SLC44A5: variants seen among roughly 807,000 people sequenced by gnomAD.
SLC44A5 encodes the protein choline transporter-like protein 5.
SLC44A5 carries 57 observed loss-of-function variants against 101.8 expected under a neutral mutation model. That is an observed-to-expected ratio of 0.56 (90% confidence interval 0.45 to 0.70). The LOEUF is 0.70. Among genes scored for constraint, SLC44A5 ranks in the 30% least tolerant of loss-of-function variants. The pLI, the probability that SLC44A5 is intolerant of heterozygous loss-of-function variation, is 0.00. For synonymous variants in SLC44A5, 281 were observed against 290.9 expected, an observed-to-expected ratio of 0.97 and a Z score of 0.35; for missense variants, 737 against 853.1, an observed-to-expected ratio of 0.86 and a Z score of 1.70.
intron 2 of SLC44A5, among the ~76,000 whole-genome samples, chr1:75,484,367 A>G (rs60335495): frequency 0.17 from 25,219 of 152,232 alleles, 2,496 homozygotes; most frequent in African/African-American, 0.27. Context: ...CCCCATGCCA[A>G]TCTGAAACCC....
the SLC44A5 span, among the ~76,000 whole-genome samples, chr1:75,658,235 G>C: frequency 1.3e-5 from 2 of 150,978 alleles, no homozygotes; most frequent in African/African-American, 4.9e-5. Context: ...CACTATACCT[G>C]GCTAATTTTT....
the SLC44A5 span, among the ~76,000 whole-genome samples, chr1:75,634,446 T>C: frequency 6.6e-6 from 1 of 151,700 alleles, no homozygotes; most frequent in African/African-American, 2.4e-5. Flanking sequence ...AACAGCATGG[T>C]ACTGGTACCA....
the SLC44A5 span, among the ~76,000 whole-genome samples, chr1:75,668,969 G>A: frequency 0.52 from 77,890 of 151,084 alleles, 21,666 homozygotes; most frequent in Middle Eastern, 0.66. Flanking sequence ...TCACGCCACC[G>A]AACTACAGTC....
At chr1:75,287,833 C>T (rs1653196109) in intron 5 of SLC44A5, among the ~76,000 whole-genome samples, 1 of 152,140 alleles carries the variant, frequency 6.6e-6, no homozygotes, top group Admixed American at 6.6e-5. Flanking sequence ...AATACCAGCA[C>T]CTACTCTGGC....
chr1:75,228,179 C>T (rs75724760), intron 12 of SLC44A5, among the ~76,000 whole-genome samples: 3,377 of 152,178 alleles, frequency 0.022, 108 homozygotes, highest in African/African-American at 0.071. Context: ...GTCAAAAACT[C>T]CTCCTAAGGT....
intron 3 of SLC44A5, among the ~76,000 whole-genome samples, chr1:75,359,318 T>G (rs1270167743): frequency 6.9e-6 from 1 of 145,550 alleles, no homozygotes; most frequent in African/African-American, 2.5e-5. Flanking sequence ...CACTGCAGCC[T>G]CCACCTCCTG....
At chr1:75,547,378 G>A (rs1557895468) in intron 1 of SLC44A5, among the ~76,000 whole-genome samples, 1 of 152,138 alleles carries the variant, frequency 6.6e-6, no homozygotes, top group Non-Finnish European at 1.5e-5. Flanking sequence ...ACAGAAAAGA[G>A]CAGAACTCTC....
chr1:75,389,978 A>G (rs900398026), intron 3 of SLC44A5, among the ~76,000 whole-genome samples: 2 of 152,152 alleles, frequency 1.3e-5, no homozygotes, highest in Admixed American at 6.5e-5. Flanking sequence ...GCCAACGACA[A>G]TGGTGACATT....
intron 2 of SLC44A5, among the ~76,000 whole-genome samples, chr1:75,530,630 G>A (rs565168410): frequency 6.6e-6 from 1 of 152,220 alleles, no homozygotes; most frequent in African/African-American, 2.4e-5. Flanking sequence ...GTCAAATTTT[G>A]ATATTTCTTC....
intron 22 of SLC44A5, among the ~76,000 whole-genome samples, chr1:75,211,892 T>C (rs184677113): frequency 0.018 from 2,708 of 150,356 alleles, 33 homozygotes; most frequent in Non-Finnish European, 0.029. Flanking sequence ...CTTCCTTCCT[T>C]TCTCTCTCTC....
intron 2 of SLC44A5, among the ~76,000 whole-genome samples, chr1:75,439,153 T>C (rs569561541): frequency 7.9e-5 from 12 of 151,994 alleles, no homozygotes; most frequent in Non-Finnish European, 1.6e-4. Context: ...ATTGTGGGAG[T>C]GGATTCCATA....
At chr1:75,525,707 CAT>C (rs990262481) in intron 2 of SLC44A5, among the ~76,000 whole-genome samples, 4 of 152,072 alleles carry the variant, frequency 2.6e-5, no homozygotes, top group Non-Finnish European at 2.9e-5. Context: ...GTTATATTAT[CAT>C]GTGTGTGGGT....
intron 1 of SLC44A5, among the ~76,000 whole-genome samples, chr1:75,576,677 T>C (rs1400628062): frequency 6.6e-6 from 1 of 152,130 alleles, no homozygotes; most frequent in Non-Finnish European, 1.5e-5. Context: ...CTAGATCTGA[T>C]GGGTGGTAGA....
intron 4 of SLC44A5, among the ~76,000 whole-genome samples, chr1:75,319,503 ATATATT>A (rs1249426766): frequency 6.6e-6 from 1 of 152,204 alleles, no homozygotes; most frequent in African/African-American, 2.4e-5. Flanking sequence ...TTTATTATAG[ATATATT>A]TATATCATTA....
In SLC44A5 at chr1:75,322,087, G is replaced by T. The variant is rs1013723090; in HGVS notation, c.101+17495C>A. ...CCAGCACTTCGGGAGGCTGAGGCAGGATTACTTGAGGTCAGGAGTTTGAGA... is the reference window on the plus strand; with the variant it reads ...CCAGCACTTCGGGAGGCTGAGGCAGTATTACTTGAGGTCAGGAGTTTGAGA... On this transcript the variant is annotated intron_variant, in intron 4 of 23. Coordinates refer to ENST00000370859, the MANE Select transcript of SLC44A5 (RefSeq NM_001130058.2). 1.8e-3 allele frequency among the ~76,000 whole-genome samples: 272 copies of T among 152,192 alleles called. 5 individuals are homozygous for T. The highest frequency in any genetic ancestry group is 2.1e-4 in the Non-Finnish European group (14 of 68,022).
chr1:75,705,451 C>T, the SLC44A5 span, among the ~76,000 whole-genome samples: 1 of 152,134 alleles, frequency 6.6e-6, no homozygotes, highest in African/African-American at 2.4e-5. Flanking sequence ...ATAGTTTATT[C>T]AGGTTTACAC....
intron 5 of SLC44A5, among the ~76,000 whole-genome samples, chr1:75,281,636 G>GGCC (rs1652570371): frequency 4.0e-5 from 2 of 49,484 alleles, no homozygotes; most frequent in African/African-American, 5.5e-5. Context: ...CTGGTGCCAG[G>GGCC]CCCCCCCCCC....
the SLC44A5 span, among the ~76,000 whole-genome samples, chr1:75,645,035 A>G: frequency 1.3e-5 from 2 of 152,094 alleles, no homozygotes; most frequent in African/African-American, 4.8e-5. Flanking sequence ...ATTGTTGGAC[A>G]TTTGGGTTGG....
At chr1:75,637,065 T>A in the SLC44A5 span, among the ~76,000 whole-genome samples, 1 of 152,070 alleles carries the variant, frequency 6.6e-6, no homozygotes, top group Non-Finnish European at 1.5e-5. Flanking sequence ...ATGGCTAGCA[T>A]AACTAAGGGA....
Sources: gnomAD v4.1 joint callset for allele counts (sites outside exome capture counted in the v4.1 genomes callset) on GRCh38, gnomAD v4.1.1 for gene constraint, MANE v1.5 for transcripts, NCBI Gene and HGNC (gene_info 2026-07-23, HGNC 2026-07-21) for gene names.